KIF18A: variants seen among roughly 807,000 people sequenced by gnomAD.
The protein encoded by KIF18A is kinesin-like protein KIF18A.
A neutral mutation model predicts 103.3 loss-of-function variants in KIF18A; 67 were observed. The observed-to-expected ratio is 0.65, with a 90% CI of 0.53 to 0.79. The LOEUF is 0.79. Ranked by LOEUF, KIF18A falls within the 30% of genes least tolerant of loss-of-function variation. The pLI is 0.00. For synonymous variants in KIF18A, 367 were observed against 355.5 expected (o/e 1.03, Z -0.36); for missense variants, 1,032 against 1,062.5 (o/e 0.97, Z 0.40).
At chr11:28,054,981 GGTCA>G (rs1309637794) in intron 13 of KIF18A, among the ~76,000 whole-genome samples, 3 of 151,994 alleles carry the variant, frequency 2.0e-5, no homozygotes, top group Non-Finnish European at 2.9e-5. Context: ...TATAGCAGGT[GGTCA>G]GTATTTCTCA....
At chr11:28,051,685 AG>A (rs1590678380) in intron 13 of KIF18A, among the ~76,000 whole-genome samples, 1 of 152,054 alleles carries the variant, frequency 6.6e-6, no homozygotes, top group Non-Finnish European at 1.5e-5. Flanking sequence ...CAAATCTTGA[AG>A]GGTATAGTTA....
At chr11:28,022,048 T>G (rs1318893441) in intron 16 of KIF18A, among the ~76,000 whole-genome samples, 2 of 152,192 alleles carry the variant, frequency 1.3e-5, no homozygotes, top group African/African-American at 4.8e-5. Context: ...GTTAGAAAAC[T>G]GGTTTAATAC....
At chr11:28,078,770 A>C (rs1344488014) in intron 9 of KIF18A, among the ~76,000 whole-genome samples, 3 of 152,100 alleles carry the variant, frequency 2.0e-5, no homozygotes, top group Admixed American at 2.0e-4. Flanking sequence ...GACAGAAAAT[A>C]CTGCAGATTC....
intron 16 of KIF18A, 62 bp from the exon 17 acceptor site, chr11:28,021,344 G>A (rs1000028230): frequency 1.4e-5 from 17 of 1,179,476 alleles, no homozygotes; most frequent in Middle Eastern, 3.2e-4. Context: ...AGTTTTCATC[G>A]TTCAACTTAT....
intron 1 of KIF18A, among the ~76,000 whole-genome samples, chr11:28,105,234 G>C (rs1050793782): frequency 1.3e-5 from 2 of 152,088 alleles, no homozygotes; most frequent in African/African-American, 4.8e-5. Context: ...GTGTAATACA[G>C]AGAAATTAAC....
chr11:28,030,490 G>A (rs2133488552), intron 15 of KIF18A, among the ~76,000 whole-genome samples: 1 of 152,224 alleles, frequency 6.6e-6, no homozygotes, highest in South Asian at 2.1e-4. Flanking sequence ...GTAGAAAGCT[G>A]AAACTGGATC....
At chr11:28,036,059 G>T (rs910079734) in intron 14 of KIF18A, among the ~76,000 whole-genome samples, 158 bp downstream of exon 14, 1 of 151,192 alleles carries the variant, frequency 6.6e-6, no homozygotes, top group Non-Finnish European at 1.5e-5. Flanking sequence ...TTTTGTTAGT[G>T]AATTAATATT....
At position 28,097,694 on chromosome 11, in the gene KIF18A, G is replaced by A; in HGVS notation, c.254C>T (p.Thr85Ile). The A allele has an allele frequency of 1.2e-6, 2 of 1,611,424 alleles. No homozygotes were observed. The highest frequency in any genetic ancestry group is 2.2e-5 in the South Asian group (2 of 90,950). ...VFDAVFDETS[T>I]QSEVFEHTTK... The stretch of plus-strand genomic sequence containing the variant: ...AGTGTGTTCAAAAACTTCTGACTGA[G>A]TTGACGTTTCATCAAAAACAGCATC... The change falls in exon 2 of 17, where the codon ACT (threonine) becomes ATT (isoleucine). Residue 85 changes from threonine to isoleucine, a missense_variant. Physicochemically the swap from Thr to Ile is moderately conservative, Grantham distance 89 (BLOSUM62 -1). Transcript: ENST00000263181.
At chr11:28,058,854 C>T in intron 13 of KIF18A, 72 bp downstream of exon 13, 3 of 1,128,816 alleles carry the variant, frequency 2.7e-6, no homozygotes, top group Non-Finnish European at 3.9e-6. Context: ...ATTAACTGTT[C>T]TATAGATTGA....
chr11:28,100,667 C>A (rs913187717), intron 1 of KIF18A, among the ~76,000 whole-genome samples: 1 of 151,730 alleles, frequency 6.6e-6, no homozygotes, highest in South Asian at 2.1e-4. Context: ...CATATACTTT[C>A]GGACAGAATT....
chr11:28,033,719 T>C (rs547429715), intron 15 of KIF18A, among the ~76,000 whole-genome samples: 1 of 151,658 alleles, frequency 6.6e-6, no homozygotes, highest in African/African-American at 2.4e-5. Flanking sequence ...GGAAGGGTTT[T>C]TCGGGAGATT....
intron 2 of KIF18A, among the ~76,000 whole-genome samples, chr11:28,096,199 CAAAG>C (rs1489292498): frequency 3.0e-5 from 2 of 66,730 alleles, no homozygotes. Flanking sequence ...AAAAAAAAGA[CAAAG>C]AGAAAGAAAA....
At chr11:28,074,927 T>G (rs1440761963) in intron 10 of KIF18A, among the ~76,000 whole-genome samples, 1 of 152,124 alleles carries the variant, frequency 6.6e-6, no homozygotes, top group Non-Finnish European at 1.5e-5. Context: ...ATATCGAAAC[T>G]GGGGAGAATT....
chr11:28,065,595 A>G (rs1850908985), intron 11 of KIF18A, among the ~76,000 whole-genome samples: 1 of 152,066 alleles, frequency 6.6e-6, no homozygotes, highest in Non-Finnish European at 1.5e-5. Flanking sequence ...CATAAACACT[A>G]CTAAGTAGAC....
chr11:28,025,473 C>G (rs76465563), intron 15 of KIF18A, among the ~76,000 whole-genome samples: 1 of 151,638 alleles, frequency 6.6e-6, no homozygotes, highest in African/African-American at 2.4e-5. Context: ...TTTCATAGTA[C>G]GATTATGCAT....
At chr11:28,101,717 G>A (rs1851448078) in intron 1 of KIF18A, among the ~76,000 whole-genome samples, 1 of 152,092 alleles carries the variant, frequency 6.6e-6, no homozygotes, top group Non-Finnish European at 1.5e-5. Flanking sequence ...ATAAAATATT[G>A]ACACAAACAT....
At chr11:28,089,835 C>T (rs1029873051) in intron 5 of KIF18A, among the ~76,000 whole-genome samples, 3 of 152,088 alleles carry the variant, frequency 2.0e-5, no homozygotes, top group African/African-American at 7.2e-5. Flanking sequence ...AATTATAAAC[C>T]CATTTATTAA....
chr11:28,064,972 T>C (rs546908056), intron 11 of KIF18A, among the ~76,000 whole-genome samples: 13 of 152,108 alleles, frequency 8.5e-5, no homozygotes, highest in Non-Finnish European at 1.5e-4. Flanking sequence ...AACAACAAGA[T>C]CAGTTTTGCG....
intron 3 of KIF18A, 144 bp downstream of exon 3, chr11:28,094,498 GA>G (rs1443405249): frequency 3.1e-6 from 2 of 650,338 alleles, no homozygotes; most frequent in Non-Finnish European, 4.9e-6. Context: ...AAAATTAACA[GA>G]AAAAGATGCA....
Sources: allele counts gnomAD v4.1 joint callset (sites outside exome capture counted in the v4.1 genomes callset), GRCh38; gene constraint gnomAD v4.1.1; transcripts MANE v1.5; gene names NCBI Gene and HGNC (gene_info 2026-07-23, HGNC 2026-07-21).